USP42: variants seen among roughly 807,000 people sequenced by gnomAD.
USP42 encodes the protein ubiquitin carboxyl-terminal hydrolase 42.
In USP42, 23 loss-of-function variants were observed where a neutral mutation model predicts 113.0. That is an observed-to-expected ratio of 0.20 (90% CI 0.15 to 0.29). USP42 has a LOEUF of 0.29. USP42 is among the 10% of genes least tolerant of loss of function. The pLI is 1.00. For synonymous variants in USP42, 933 were observed against 699.0 expected (o/e 1.33, Z -5.28); for missense variants, 2,174 against 1,779.8 (o/e 1.22, Z -3.99).
chr7:6,130,855 G>GA (rs2128494861), intron 3 of USP42, among the ~76,000 whole-genome samples: 1 of 152,304 alleles, frequency 6.6e-6, no homozygotes, highest in East Asian at 1.9e-4. Context: ...CAGAAGACAG[G>GA]AGCAAGGGGA....
At position 6,150,213 on chromosome 7, in the gene USP42, G is replaced by A. The variant is rs754266876; in HGVS notation, c.2017G>A (p.Gly673Ser). Reference sequence around the variant, plus strand: ...CAGCGACAGTGACCCGAAAGAAAACGGCCTAGCGCCTGATGGTGCCAGCTG... The same window carrying A: ...CAGCGACAGTGACCCGAAAGAAAACAGCCTAGCGCCTGATGGTGCCAGCTG... ...ADSDSDPKEN[G>S]LAPDGASCQG... The change falls in exon 13 of 18, where the codon GGC (glycine) becomes AGC (serine). Residue 673 changes from glycine (G) to serine (S), a missense_variant. Coordinates refer to ENST00000306177, the MANE Select transcript of USP42 (RefSeq NM_032172.3). 12 of 1,613,768 alleles carry A rather than the reference G, an allele frequency of 7.4e-6. No homozygotes were observed. The highest frequency in any genetic ancestry group is 5.0e-5 in the Admixed American group (3 of 60,010).
intron 1 of USP42, among the ~76,000 whole-genome samples, chr7:6,107,022 C>T (rs998878260): frequency 1.3e-5 from 2 of 152,196 alleles, no homozygotes; most frequent in African/African-American, 4.8e-5. Context: ...CATTGTTTAG[C>T]TTCAAGAAAG....
At chr7:6,105,657 C>T (rs1357458193) in intron 1 of USP42, among the ~76,000 whole-genome samples, 2 of 152,224 alleles carry the variant, frequency 1.3e-5, no homozygotes, top group Admixed American at 1.3e-4. Context: ...GGAGCGGCCA[C>T]CCCGAAGGGA....
At chr7:6,093,303 T>C in the USP42 span, among the ~76,000 whole-genome samples, 1 of 148,862 alleles carries the variant, frequency 6.7e-6, no homozygotes, top group Admixed American at 6.7e-5. Flanking sequence ...TTTTTTGCCT[T>C]GGGACCAAGT....
At chr7:6,131,879 C>T (rs999369799) in intron 3 of USP42, among the ~76,000 whole-genome samples, 1 of 152,140 alleles carries the variant, frequency 6.6e-6, no homozygotes, top group Non-Finnish European at 1.5e-5. Flanking sequence ...CCCAGAAGTG[C>T]AAGTCTCATG....
In USP42 at chr7:6,146,186, T is replaced by C. The variant is rs1781706693; in HGVS notation, c.1170T>C (p.Ile390=). The change falls in exon 11 of 18, where the codon ATT becomes ATC. Residue 390 remains isoleucine, a synonymous_variant. Transcript: ENST00000306177. ...NGLWYQMNDS[I]VSTSDIRSVL... is the part of the protein sequence containing the mutation. ...TCTGGTATCAAATGAATGACTCCAT[T>C]GTATCTACCAGTGATATTAGATCGG... 6.2e-7 allele frequency: 1 copy of C among 1,604,732 alleles called. No individual in the cohort carries two copies.
At chr7:6,146,352 A>C (rs74513367) in intron 11 of USP42, 104 bp downstream of exon 11, 6 of 777,266 alleles carry the variant, frequency 7.7e-6, no homozygotes, top group Admixed American at 3.2e-5. Context: ...AAAAAAAAAA[A>C]CCCAGCAGCT....
chr7:6,160,017 C>T (rs1375499491), intron 17 of USP42, among the ~76,000 whole-genome samples: 2 of 152,244 alleles, frequency 1.3e-5, no homozygotes, highest in Non-Finnish European at 2.9e-5. Context: ...AGATCAGGAC[C>T]TCGGAGCTGT....
intron 2 of USP42, among the ~76,000 whole-genome samples, chr7:6,113,881 A>G (rs1461460002): frequency 1.3e-5 from 2 of 150,170 alleles, no homozygotes; most frequent in Non-Finnish European, 3.0e-5. Context: ...TCGGCCTCCC[A>G]AAGTGCTGGG....
At chr7:6,106,954 T>A (rs1202216955) in intron 1 of USP42, among the ~76,000 whole-genome samples, 5 of 152,244 alleles carry the variant, frequency 3.3e-5, no homozygotes, top group Admixed American at 2.0e-4. Context: ...CAGTAATATT[T>A]AGAAGCTTTA....
rs1362554480 is a variant in USP42, at chr7:6,139,077, A to G, written c.554-15A>G. 3.2e-6 allele frequency: 5 copies of G among 1,579,770 alleles called. No individual in the cohort carries two copies. The East Asian group carries it at 1.1e-4, about 36-fold the overall frequency. On this transcript the variant is annotated splice_polypyrimidine_tract_variant and intron_variant, in intron 4 of 17. Coordinates refer to ENST00000306177, the MANE Select transcript of USP42 (RefSeq NM_032172.3). This position sits in a 1 kb window ranked among gnomAD's most constrained non-coding sequence, Gnocchi z 4.5. ...CGTGTAATGATAAAGCCTTGTCTTT[A>G]CCGAAATTTTACAGGTATAGCTAGG...
chr7:6,150,180 A>T lies in USP42; in HGVS notation c.1984A>T (p.Ser662Cys). ...ACCCATGACCCTAAACGGTGCTAAT[A>T]GTGCAGACAGCGACAGTGACCCGAA... ...QEPMTLNGAN[S>C]ADSDSDPKEN... The change falls in exon 13 of 18, where the codon AGT becomes TGT. Residue 662 changes from serine to cysteine, a missense_variant. Coordinates refer to ENST00000306177, the MANE Select transcript of USP42 (RefSeq NM_032172.3). The T allele has an allele frequency of 1.2e-6, 2 of 1,613,936 alleles. No individual in the cohort carries two copies. Among genetic ancestry groups the T allele is most frequent in the Non-Finnish European group, 1.7e-6 (2 of 1,179,880 alleles).
In USP42 at chr7:6,114,673, TATATA is replaced by T. The variant is rs1196743727; in HGVS notation, c.242-649_242-645del. 4.4e-4 allele frequency among the ~76,000 whole-genome samples: 15 copies of T among 34,474 alleles called. 1 individual carries two copies. Among genetic ancestry groups the T allele is most frequent in the East Asian group, 9.1e-4 (1 of 1,102 alleles). The allele number at this position is 34,474 out of a possible 152,430, so 22.6% of individuals were successfully genotyped here. A position where few individuals can be genotyped will look rare whatever the true frequency, so the allele number is the denominator to read the frequency against. On this transcript the variant is annotated intron_variant, in intron 2 of 17. Coordinates refer to ENST00000306177, the MANE Select transcript of USP42 (RefSeq NM_032172.3). The stretch of plus-strand genomic sequence containing the variant: ...GTGTGTGTGTATATATATATATATA[TATATA>T]TTTTTTTTTTTTTTTTTTTTTTTTT...
At chr7:6,111,574 C>T (rs1260258817) in intron 2 of USP42, among the ~76,000 whole-genome samples, 200 bp downstream of exon 2, 1 of 151,052 alleles carries the variant, frequency 6.6e-6, no homozygotes, top group African/African-American at 2.4e-5. Flanking sequence ...TTTTTAGTTG[C>T]TAGAATATTA....
intron 3 of USP42, among the ~76,000 whole-genome samples, chr7:6,128,578 TC>T (rs1780667730): frequency 1.3e-5 from 2 of 152,156 alleles, no homozygotes; most frequent in Admixed American, 1.3e-4. Flanking sequence ...ATTTTGTGAG[TC>T]TGTGTCTTTT....
chr7:6,140,895 C>T lies in USP42; in HGVS notation c.725-19C>T. 2 of 1,410,474 alleles carry T rather than the reference C, an allele frequency of 1.4e-6. No homozygotes were observed. The highest frequency in any genetic ancestry group is 1.4e-5 in the African/African-American group (1 of 69,546). 87.4% of individuals were successfully genotyped at this position (1,410,474 alleles called of 1,614,324 possible). On this transcript the variant is annotated intron_variant, in intron 6 of 17. Coordinates refer to ENST00000306177, the MANE Select transcript of USP42 (RefSeq NM_032172.3). ...ATGATTATACTTTGCTCATCTTTTG[C>T]ATTTTATTTTTATTTCAGTCAAATG...
At chr7:6,109,403 C>G (rs369400219) in intron 1 of USP42, among the ~76,000 whole-genome samples, 16 of 152,084 alleles carry the variant, frequency 1.1e-4, no homozygotes, top group Non-Finnish European at 2.4e-4. Flanking sequence ...CCTTTTCTTT[C>G]TTTCTTTTCT....
chr7:6,150,013 C>T lies in USP42; in HGVS notation c.1817C>T (p.Pro606Leu). Reference protein sequence around the residue: ...KSKLNSSVLVPYGAESSEDSD... With the variant: ...KSKLNSSVLVLYGAESSEDSD... ...AAGCTGAACTCCAGCGTGCTGGTGC[C>T]CTATGGCGCCGAGTCCTCTGAGGAC... Residue 606 changes from proline to leucine, a missense_variant, in exon 13 of 18, where the codon CCC becomes CTC. Physicochemically the swap from Pro to Leu is moderately conservative, Grantham distance 98. Transcript: ENST00000306177. 1 of 1,613,078 alleles carries T rather than the reference C, an allele frequency of 6.2e-7. No homozygotes were observed. Among genetic ancestry groups the T allele is most frequent in the Non-Finnish European group, 8.5e-7 (1 of 1,179,476 alleles).
Position 6,140,154 on chromosome 7 carries a change from C to G in USP42, c.683C>G (p.Thr228Ser), listed in dbSNP as rs1357342339. 1.2e-6 allele frequency: 2 copies of G among 1,613,994 alleles called. No individual in the cohort carries two copies. The highest frequency in any genetic ancestry group is 1.7e-5 in the Admixed American group (1 of 60,016). Residue 228 changes from threonine (T) to serine (S), a missense_variant, in exon 6 of 18, where the codon ACT becomes AGT. By Grantham distance (58) the Thr-to-Ser change is moderately conservative. Transcript: ENST00000306177. ...TTAGACAGACACACCCAGGCCACCA[C>G]TCTTGTTTGTCAGATATTTGGAGGA... ...NKLDRHTQAT[T>S]LVCQIFGGYL...
Sources: gnomAD v4.1 joint callset for allele counts (sites outside exome capture counted in the v4.1 genomes callset) on GRCh38, gnomAD v4.1.1 for gene constraint, Gnocchi (gnomAD v3.1) non-coding constraint, MANE v1.5 for transcripts, NCBI Gene and HGNC (gene_info 2026-07-23, HGNC 2026-07-21) for gene names.